PTPRD: variants seen among roughly 807,000 people sequenced by gnomAD.
PTPRD encodes protein tyrosine phosphatase receptor type D, also known as receptor-type tyrosine-protein phosphatase delta.
A neutral mutation model predicts 214.5 loss-of-function variants in PTPRD; 34 were observed. That is an observed-to-expected ratio of 0.16 (90% CI 0.12 to 0.21). The LOEUF (loss-of-function observed/expected upper bound fraction) is 0.21. Ranked by LOEUF, PTPRD falls within the 10% of genes least tolerant of loss-of-function variation. The pLI, the probability that PTPRD is intolerant of heterozygous loss-of-function variation, is 1.00. For missense variants in PTPRD, 2,545 were observed against 2,398.7 expected, an observed-to-expected ratio of 1.06 and a Z score of -1.27; for synonymous variants, 1,128 against 845.7, an observed-to-expected ratio of 1.33 and a Z score of -5.79.
chr9:10,547,037 T>A (rs1404995415), intron 2 of PTPRD, among the ~76,000 whole-genome samples: 1 of 151,992 alleles, frequency 6.6e-6, no homozygotes. Flanking sequence ...TCACCAAGAC[T>A]CCAATATAAT....
intron 11 of PTPRD, among the ~76,000 whole-genome samples, chr9:8,829,254 G>A (rs984248131): frequency 6.6e-6 from 1 of 152,090 alleles, no homozygotes. Context: ...GCTTGTTCAT[G>A]TCCTTATCCA....
Position 9,327,452 on chromosome 9 carries a change from A to T in PTPRD, c.-203+69997T>A, listed in dbSNP as rs373893778. On this transcript the variant is annotated intron_variant, in intron 9 of 45. Coordinates refer to ENST00000381196, the MANE Select transcript of PTPRD (RefSeq NM_002839.4). Reference sequence around the variant, plus strand: ...AAATTTACGTTTGTGGCACAACCCAAGACACTAAATGATAAATCTACAAAT... The same window carrying T: ...AAATTTACGTTTGTGGCACAACCCATGACACTAAATGATAAATCTACAAAT... Among the ~76,000 whole-genome samples, 4 of 152,232 alleles carry T rather than the reference A, an allele frequency of 2.6e-5. No individual in the cohort carries two copies. The East Asian group carries it at 7.7e-4, about 29-fold the overall frequency.
rs577944518 is a variant in PTPRD at position 8,691,758 on chromosome 9, T to A, written c.64+42022A>T. Among the ~76,000 whole-genome samples the A allele has an allele frequency of 2.0e-5, 3 of 152,358 alleles. No individual in the cohort carries two copies. The South Asian group carries it at 6.2e-4, about 32-fold the overall frequency. ...TTATGACTTCCTTTCACATTTTCAATGTGATGTGATCAAATCCTCCTGTAA... is the reference window on the plus strand; with the variant it reads ...TTATGACTTCCTTTCACATTTTCAAAGTGATGTGATCAAATCCTCCTGTAA... On this transcript the variant is annotated intron_variant, in intron 12 of 45. Transcript: ENST00000381196.
At chr9:8,504,122 C>A in intron 23 of PTPRD, 139 bp downstream of exon 23, 1 of 793,594 alleles carries the variant, frequency 1.3e-6, no homozygotes, top group Non-Finnish European at 2.0e-6. Context: ...TACACTTTCA[C>A]CTGTGAAGTG....
intron 14 of PTPRD, among the ~76,000 whole-genome samples, chr9:8,570,542 T>C (rs971463831): frequency 6.6e-6 from 1 of 151,982 alleles, no homozygotes; most frequent in Non-Finnish European, 1.5e-5. Context: ...TTAAGAGAGG[T>C]AGGTTTTAAT....
intron 4 of PTPRD, among the ~76,000 whole-genome samples, chr9:9,955,537 T>TGC (rs2093839545): frequency 7.2e-6 from 1 of 138,986 alleles, no homozygotes; most frequent in African/African-American, 2.5e-5. Flanking sequence ...TTTTTTTTTT[T>TGC]TTTTGAGACA....
At chr9:8,428,107 G>A (rs2094808160) in intron 35 of PTPRD, among the ~76,000 whole-genome samples, 1 of 152,134 alleles carries the variant, frequency 6.6e-6, no homozygotes, top group South Asian at 2.1e-4. Flanking sequence ...TGAGCTAGGG[G>A]CCAAACTGGT....
Position 8,327,232 on chromosome 9 carries a change from T to G in PTPRD, c.5534+4350A>C, listed in dbSNP as rs533104944. ...CCAGAGATTCTGGTACATTGTGTCT[T>G]TGTTCTCATTGGCTTCAAAGAACAT... On this transcript the variant is annotated intron_variant, in intron 44 of 45. Transcript: ENST00000381196. 6.6e-5 allele frequency among the ~76,000 whole-genome samples: 10 copies of G among 151,988 alleles called. No individual in the cohort carries two copies. The East Asian group carries it at 1.7e-3, about 27-fold the overall frequency.
chr9:9,107,567 C>T (rs2099800397), intron 10 of PTPRD, among the ~76,000 whole-genome samples: 5 of 152,140 alleles, frequency 3.3e-5, no homozygotes, highest in Admixed American at 3.3e-4. Flanking sequence ...TGTGCACACA[C>T]ATGCACATAC....
intron 2 of PTPRD, among the ~76,000 whole-genome samples, chr9:10,535,578 C>A (rs1332746863): frequency 6.6e-6 from 1 of 151,992 alleles, no homozygotes; most frequent in Non-Finnish European, 1.5e-5. Flanking sequence ...AATCAAGTCA[C>A]CACAGCAAGA....
intron 37 of PTPRD, among the ~76,000 whole-genome samples, chr9:8,379,499 G>C (rs1589102256): frequency 1.3e-5 from 2 of 152,056 alleles, no homozygotes; most frequent in African/African-American, 4.8e-5. Flanking sequence ...CAGCATTAGG[G>C]AGCAAGTATG....
intron 11 of PTPRD, among the ~76,000 whole-genome samples, chr9:8,913,814 G>A (rs908910404): frequency 6.6e-6 from 1 of 152,104 alleles, no homozygotes; most frequent in Non-Finnish European, 1.5e-5. Context: ...AAGTCAGTGA[G>A]GTATTGTGAT....
chr9:10,515,230 G>A (rs189457981), intron 2 of PTPRD, among the ~76,000 whole-genome samples: 320 of 152,068 alleles, frequency 2.1e-3, no homozygotes, highest in Non-Finnish European at 3.4e-3. Context: ...TAATGGTAAT[G>A]TATTCTTCTC....
chr9:8,553,786 T>C (rs923026874), intron 14 of PTPRD, among the ~76,000 whole-genome samples: 2 of 152,208 alleles, frequency 1.3e-5, no homozygotes, highest in Non-Finnish European at 2.9e-5. Context: ...TAATAAGCTA[T>C]GACCTTGTTG....
chr9:9,915,619 G>A (rs1210152537), intron 5 of PTPRD, among the ~76,000 whole-genome samples: 1 of 149,388 alleles, frequency 6.7e-6, no homozygotes, highest in East Asian at 2.0e-4. Flanking sequence ...TTTAACAACA[G>A]GCTAGACCAC....
chr9:8,518,978 G>T (rs2097841137), intron 20 of PTPRD, among the ~76,000 whole-genome samples: 1 of 152,012 alleles, frequency 6.6e-6, no homozygotes, highest in Non-Finnish European at 1.5e-5. Flanking sequence ...ACATTGAAAA[G>T]AACAAAATGT....
intron 12 of PTPRD, among the ~76,000 whole-genome samples, chr9:8,658,972 A>C (rs1341597663): frequency 6.6e-6 from 1 of 152,098 alleles, no homozygotes; most frequent in East Asian, 1.9e-4. Context: ...ATCTCCTCTA[A>C]TCGTTCATGA....
At chr9:9,007,569 C>T (rs2099483365) in intron 11 of PTPRD, among the ~76,000 whole-genome samples, 1 of 151,962 alleles carries the variant, frequency 6.6e-6, no homozygotes, top group Admixed American at 6.6e-5. Flanking sequence ...CACTCCAAAA[C>T]AGCTAAAACT....
intron 3 of PTPRD, among the ~76,000 whole-genome samples, chr9:10,233,167 T>C (rs2154357768): frequency 6.6e-6 from 1 of 152,180 alleles, no homozygotes; most frequent in East Asian, 1.9e-4. Context: ...CTACTGTTGG[T>C]GCATTCATTT....
Sources: gnomAD v4.1 joint callset for allele counts (sites outside exome capture counted in the v4.1 genomes callset) on GRCh38, gnomAD v4.1.1 for gene constraint, MANE v1.5 for transcripts, NCBI Gene and HGNC (gene_info 2026-07-23, HGNC 2026-07-21) for gene names.